Variants in NPHP4 observed in about 807,000 individuals in gnomAD.
The protein encoded by NPHP4 is nephrocystin-4.
In NPHP4, 151 loss-of-function variants were observed where a neutral mutation model predicts 155.8. That is an observed-to-expected ratio of 0.97 (90% CI 0.85 to 1.11). The LOEUF is 1.11. Among genes scored for constraint, NPHP4 ranks in the 50% least tolerant of loss-of-function variants. The probability of loss-of-function intolerance (pLI) is 0.00; values close to 1 mark genes in which losing one functional copy is unlikely to be tolerated. For missense variants in NPHP4, 1,956 were observed against 1,925.7 expected (o/e 1.02, Z -0.29); for synonymous variants, 845 against 816.8 (o/e 1.03, Z -0.59).
At chr1:5,950,876 A>G (rs892883051) in intron 7 of NPHP4, among the ~76,000 whole-genome samples, 1 of 152,202 alleles carries the variant, frequency 6.6e-6, no homozygotes, top group African/African-American at 2.4e-5. Context: ...AAGTCCATCA[A>G]CAGTAGAATG....
chr1:5,893,649 G>A (rs183966138), intron 16 of NPHP4, among the ~76,000 whole-genome samples: 28 of 152,304 alleles, frequency 1.8e-4, no homozygotes, highest in Non-Finnish European at 3.7e-4. Context: ...TTAGGCCTCC[G>A]GATAACTGCA....
rs557328428 is a variant in NPHP4, at chr1:5,863,046, G to A, written c.*219C>T. 40 of 584,450 alleles carry A rather than the reference G, an allele frequency of 6.8e-5. No individual in the cohort carries two copies. Among genetic ancestry groups the A allele is most frequent in the South Asian group, 1.6e-4 (8 of 49,242 alleles). 36.2% of individuals were successfully genotyped at this position (584,450 alleles called of 1,614,324 possible). A position where few individuals can be genotyped will look rare whatever the true frequency, so the allele number is the denominator to read the frequency against. On this transcript the variant is annotated 3_prime_UTR_variant, in exon 30 of 30. Transcript: ENST00000378156. ...CCACCACCACGGAGTTCGCGCTCAC[G>A]GAACCCAGGCCTGCTGGGTGTCAGC...
At position 5,944,963 on chromosome 1, in the gene NPHP4, AAAGAG is replaced by A. The variant is rs1379054977; in HGVS notation, c.1119+2136_1119+2140del. On this transcript the variant is annotated intron_variant, in intron 9 of 29. Coordinates refer to ENST00000378156, the MANE Select transcript of NPHP4 (RefSeq NM_015102.5). This position sits in a 1 kb window ranked among gnomAD's most constrained non-coding sequence, Gnocchi z 4.3. ...GCGACAGAGTGAGACTCTGTCTCGA[AAAGAG>A]AAGAGAAGAGAAATCAGTGACTCCA... is the stretch of plus-strand genomic sequence containing the variant. Among the ~76,000 whole-genome samples, 4 of 152,162 alleles carry A rather than the reference AAAGAG, an allele frequency of 2.6e-5. No individual in the cohort carries two copies. The highest frequency in any genetic ancestry group is 7.2e-5 in the African/African-American group (3 of 41,430).
At chr1:5,968,724 A>G (rs1329027162) in intron 4 of NPHP4, among the ~76,000 whole-genome samples, 2 of 152,030 alleles carry the variant, frequency 1.3e-5, no homozygotes, top group Non-Finnish European at 2.9e-5. Flanking sequence ...CAGTTAAACC[A>G]CCATAGAAAG....
intron 1 of NPHP4, among the ~76,000 whole-genome samples, chr1:5,988,493 T>C (rs1015123200): frequency 6.6e-6 from 1 of 152,252 alleles, no homozygotes; most frequent in Admixed American, 6.5e-5. Flanking sequence ...TGTTTTTATG[T>C]TAACATGTCA....
chr1:5,965,229 G>A (rs559593583), intron 5 of NPHP4, among the ~76,000 whole-genome samples: 30 of 151,904 alleles, frequency 2.0e-4, no homozygotes, highest in Middle Eastern at 3.4e-3. Context: ...CACTGCACCC[G>A]GCACTTTTTT....
In NPHP4 at chr1:5,944,392, C is replaced by T. The variant is rs968232524; in HGVS notation, c.1119+2712G>A. On this transcript the variant is annotated intron_variant, in intron 9 of 29. Transcript: ENST00000378156. This position sits in a 1 kb window ranked among gnomAD's most constrained non-coding sequence, Gnocchi z 4.3. ...GAGGTGGGAGGGCCCTGCCACAGCC[C>T]GCCCTGGGCCTTCCAAGGAGCGCGC... Among the ~76,000 whole-genome samples the T allele has an allele frequency of 1.3e-5, 2 of 152,260 alleles. No homozygotes were observed. The highest frequency in any genetic ancestry group is 2.4e-5 in the African/African-American group (1 of 41,466).
chr1:5,943,748 C>A (rs965553981), intron 9 of NPHP4, among the ~76,000 whole-genome samples: 2 of 152,162 alleles, frequency 1.3e-5, no homozygotes, highest in Non-Finnish European at 2.9e-5. Flanking sequence ...AAAATGTACA[C>A]CCAGGCTGAC....
At chr1:5,871,452 G>A (rs1381543811) in intron 23 of NPHP4, among the ~76,000 whole-genome samples, 1 of 152,114 alleles carries the variant, frequency 6.6e-6, no homozygotes, top group Admixed American at 6.5e-5. Flanking sequence ...ATTGATAAAG[G>A]GAATGATTCT....
At position 5,961,841 on chromosome 1, in the gene NPHP4, G is replaced by A; in HGVS notation, c.626C>T (p.Ser209Phe). ...FHLLPENLLV[S>F]GLQQIPGLLP... ...CAGGCCAGGTATCTGCTGCAGACCA[G>A]ACACCAGAAGGTTCTCAGGAAGAAG... Residue 209 changes from serine (S) to phenylalanine (F), a missense_variant, in exon 6 of 30, where the codon TCT becomes TTT. Ser to Phe is a radical substitution (Grantham distance 155). Coordinates refer to ENST00000378156, the MANE Select transcript of NPHP4 (RefSeq NM_015102.5). The A allele has an allele frequency of 6.2e-7, 1 of 1,613,680 alleles. No homozygotes were observed. The highest frequency in any genetic ancestry group is 8.5e-7 in the Non-Finnish European group (1 of 1,179,712).
intron 16 of NPHP4, among the ~76,000 whole-genome samples, chr1:5,898,818 T>C (rs1293869266): frequency 6.6e-6 from 1 of 151,896 alleles, no homozygotes; most frequent in African/African-American, 2.4e-5. Context: ...ACGGAAAGAA[T>C]GCCTATCAAT....
intron 7 of NPHP4, among the ~76,000 whole-genome samples, chr1:5,951,085 C>CGATA (rs1224708375): frequency 1.3e-5 from 2 of 152,150 alleles, no homozygotes; most frequent in Non-Finnish European, 2.9e-5. Context: ...AGAGATGCAT[C>CGATA]GATAGGCGGT....
At position 5,865,162 on chromosome 1, in the gene NPHP4, A is replaced by G; in HGVS notation, c.3756T>C (p.Leu1252=). The stretch of plus-strand genomic sequence containing the variant: ...CTTTCCTCACTGTCTGTGTCCCCCG[A>G]AGGACAAGGGACAGGCGGGTCAGCT... The part of the protein sequence containing the change: ...AGQLTRLSLV[L]RGTQTVRKVR... Residue 1252 remains leucine, a synonymous_variant, in exon 27 of 30, where the codon CTT becomes CTC. Transcript: ENST00000378156. The G allele has an allele frequency of 1.2e-6, 2 of 1,613,580 alleles. No individual in the cohort carries two copies. Among genetic ancestry groups the G allele is most frequent in the Non-Finnish European group, 1.7e-6 (2 of 1,179,784 alleles).
At chr1:5,972,384 T>TGACAGG (rs944283346) in intron 3 of NPHP4, among the ~76,000 whole-genome samples, 6 of 152,102 alleles carry the variant, frequency 3.9e-5, no homozygotes, top group Non-Finnish European at 5.9e-5. Context: ...CAAAGCATCA[T>TGACAGG]GACAGGGACA....
intron 10 of NPHP4, among the ~76,000 whole-genome samples, chr1:5,930,855 TAG>T (rs1274831684): frequency 6.6e-6 from 1 of 152,214 alleles, no homozygotes; most frequent in Non-Finnish European, 1.5e-5. Context: ...TTTGTTTACT[TAG>T]AGAGGATGCT....
At chr1:5,907,062 G>A (rs1374613841) in intron 13 of NPHP4, 53 bp downstream of exon 13, 4 of 1,075,870 alleles carry the variant, frequency 3.7e-6, no homozygotes, top group African/African-American at 1.6e-5. Flanking sequence ...AAAATGAGGA[G>A]CTGTGGAGCC....
At chr1:5,914,257 C>CAAAAAAA (rs575438284) in intron 11 of NPHP4, among the ~76,000 whole-genome samples, 830 of 47,386 alleles carry the variant, frequency 0.018, 159 homozygotes, top group East Asian at 0.045. Context: ...CTTATCTATA[C>CAAAAAAA]AAAAAAAAAA....
At chr1:5,981,237 T>C (rs1245887087) in intron 2 of NPHP4, among the ~76,000 whole-genome samples, 1 of 152,182 alleles carries the variant, frequency 6.6e-6, no homozygotes, top group Non-Finnish European at 1.5e-5. Flanking sequence ...GTCGCTGGCT[T>C]GGGCTTCTTT....
At chr1:5,925,405 TC>T (rs1645947437) in intron 11 of NPHP4, among the ~76,000 whole-genome samples, 1 of 152,152 alleles carries the variant, frequency 6.6e-6, no homozygotes, top group African/African-American at 2.4e-5. Context: ...GTGGAACCAG[TC>T]CCCCACGGAT....
Sources: allele counts gnomAD v4.1 joint callset (sites outside exome capture counted in the v4.1 genomes callset), GRCh38; gene constraint gnomAD v4.1.1; non-coding constraint Gnocchi (gnomAD v3.1); transcripts MANE v1.5; gene names NCBI Gene and HGNC (gene_info 2026-07-23, HGNC 2026-07-21).